Variants in FAM13A observed in about 807,000 individuals in gnomAD.
FAM13A encodes the protein protein FAM13A.
FAM13A carries 76 observed loss-of-function variants against 129.6 expected under a neutral mutation model. The ratio of observed to expected loss-of-function variants is 0.59; its 90% CI spans 0.49 to 0.71. The LOEUF is 0.71. Ranked by LOEUF, FAM13A falls within the 30% of genes least tolerant of loss-of-function variation. The pLI is 0.00. For synonymous variants in FAM13A, 443 were observed against 449.9 expected, an observed-to-expected ratio of 0.98 and a Z score of 0.20; for missense variants, 1,108 against 1,249.3, an observed-to-expected ratio of 0.89 and a Z score of 1.70.
intron 7 of FAM13A, among the ~76,000 whole-genome samples, chr4:88,809,509 G>C (rs1310439918): frequency 6.6e-6 from 1 of 151,972 alleles, no homozygotes; most frequent in Non-Finnish European, 1.5e-5. Flanking sequence ...CATCCATGAG[G>C]CTTAAAAAAC....
At chr4:88,838,182 T>C (rs894858288) in intron 7 of FAM13A, among the ~76,000 whole-genome samples, 6 of 68,224 alleles carry the variant, frequency 8.8e-5, no homozygotes, top group Non-Finnish European at 1.4e-4. Flanking sequence ...AGGGAGGTCC[T>C]GAAACCTACC....
At chr4:89,053,565 A>G (rs1350206401) in intron 1 of FAM13A, among the ~76,000 whole-genome samples, 1 of 152,116 alleles carries the variant, frequency 6.6e-6, no homozygotes, top group Non-Finnish European at 1.5e-5. Flanking sequence ...AGTTGATGGT[A>G]CCAGGCGGTA....
At chr4:89,000,845 C>A (rs141833297) in intron 3 of FAM13A, among the ~76,000 whole-genome samples, 1,682 of 152,344 alleles carry the variant, frequency 0.011, 37 homozygotes, top group African/African-American at 0.038. Flanking sequence ...CCTAATATCC[C>A]ACTAAAATGA....
chr4:88,944,856 T>A (rs527568331), intron 4 of FAM13A, among the ~76,000 whole-genome samples: 178 of 150,988 alleles, frequency 1.2e-3, no homozygotes, highest in African/African-American at 4.1e-3. Flanking sequence ...TGAGCCGAGA[T>A]CATGCCACTG....
chr4:88,763,744 T>C (rs1214389359), intron 13 of FAM13A, among the ~76,000 whole-genome samples: 1 of 152,224 alleles, frequency 6.6e-6, no homozygotes, highest in African/African-American at 2.4e-5. Flanking sequence ...TCAGAAAGTA[T>C]GCTGTATAAT....
intron 21 of FAM13A, among the ~76,000 whole-genome samples, chr4:88,734,505 C>A (rs1254400596): frequency 6.6e-6 from 1 of 152,140 alleles, no homozygotes; most frequent in African/African-American, 2.4e-5. Context: ...AAATTCAAGG[C>A]CCTATAATTA....
At chr4:88,874,432 T>C (rs1353467001) in intron 6 of FAM13A, among the ~76,000 whole-genome samples, 1 of 152,182 alleles carries the variant, frequency 6.6e-6, no homozygotes, top group Non-Finnish European at 1.5e-5. Context: ...GATAAGCAAC[T>C]TCAGCAAAGT....
intron 1 of FAM13A, among the ~76,000 whole-genome samples, chr4:89,054,898 A>T (rs1409597808): frequency 6.6e-6 from 1 of 152,038 alleles, no homozygotes; most frequent in Non-Finnish European, 1.5e-5. Context: ...CTTTGAACCC[A>T]TTCATTCACT....
At chr4:88,743,180 TG>T (rs1001267095) in intron 19 of FAM13A, among the ~76,000 whole-genome samples, 2 of 152,222 alleles carry the variant, frequency 1.3e-5, no homozygotes, top group African/African-American at 4.8e-5. Flanking sequence ...CCTATTTGGT[TG>T]TCCCGTAAAT....
intron 7 of FAM13A, among the ~76,000 whole-genome samples, chr4:88,836,664 T>C (rs1010058282): frequency 3.3e-5 from 5 of 152,226 alleles, no homozygotes; most frequent in South Asian, 4.1e-4. Flanking sequence ...AGTGTAGTTA[T>C]ATTTAATAAA....
At chr4:88,752,271 A>T (rs1742782414) in intron 14 of FAM13A, among the ~76,000 whole-genome samples, 1 of 152,180 alleles carries the variant, frequency 6.6e-6, no homozygotes. Flanking sequence ...AGGAAACTGA[A>T]ACCCCAAGAG....
chr4:89,005,118 C>A (rs899232903), intron 3 of FAM13A, among the ~76,000 whole-genome samples: 2 of 152,012 alleles, frequency 1.3e-5, no homozygotes, highest in Non-Finnish European at 2.9e-5. Flanking sequence ...TCTTTGTGTT[C>A]ATAAGTTCTT....
At chr4:88,778,457 C>G (rs1722197510) in intron 11 of FAM13A, among the ~76,000 whole-genome samples, 1 of 152,192 alleles carries the variant, frequency 6.6e-6, no homozygotes, top group Non-Finnish European at 1.5e-5. Flanking sequence ...ACCTCTTGAC[C>G]ACTGCAGTGC....
chr4:88,927,235 G>A (rs1248871466), intron 5 of FAM13A, among the ~76,000 whole-genome samples: 1 of 151,606 alleles, frequency 6.6e-6, no homozygotes, highest in Non-Finnish European at 1.5e-5. Context: ...GTGTAAATGG[G>A]ATTTCTTCTT....
intron 6 of FAM13A, among the ~76,000 whole-genome samples, chr4:88,869,947 A>AATTATATAAAGT (rs1741069485): frequency 6.6e-6 from 1 of 152,142 alleles, no homozygotes; most frequent in East Asian, 1.9e-4. Flanking sequence ...AAATACTCAT[A>AATTATATAAAGT]ATTTATATAA....
chr4:88,851,416 T>C (rs1047899399), intron 6 of FAM13A, among the ~76,000 whole-genome samples: 1 of 152,084 alleles, frequency 6.6e-6, no homozygotes, highest in African/African-American at 2.4e-5. Flanking sequence ...AAACCTTATA[T>C]ACCCTACCGA....
intron 7 of FAM13A, among the ~76,000 whole-genome samples, chr4:88,812,615 C>T (rs1388073055): frequency 1.3e-5 from 2 of 152,186 alleles, no homozygotes; most frequent in African/African-American, 4.8e-5. Flanking sequence ...GAAGCCATCT[C>T]TAGCACCCTG....
intron 5 of FAM13A, 82 bp downstream of exon 5, chr4:88,938,006 G>A (rs1335178904): frequency 9.4e-7 from 1 of 1,061,932 alleles, no homozygotes; most frequent in Non-Finnish European, 1.4e-6. Flanking sequence ...ATATCCATAT[G>A]GAATTTTTAT....
intron 23 of FAM13A, chr4:88,730,084 A>G (rs1737326891): frequency 2.0e-5 from 3 of 152,260 alleles, no homozygotes; most frequent in African/African-American, 2.4e-5. Context: ...GAAATACAAT[A>G]TATTTTAAAT....
Sources: gnomAD v4.1 joint callset for allele counts (sites outside exome capture counted in the v4.1 genomes callset) on GRCh38, gnomAD v4.1.1 for gene constraint, MANE v1.5 for transcripts, NCBI Gene and HGNC (gene_info 2026-07-23, HGNC 2026-07-21) for gene names.